SPRR2G: variants seen among roughly 807,000 people sequenced by gnomAD.
SPRR2G encodes the protein small proline rich protein 2G, also known as small proline-rich protein 2G.
In SPRR2G, 1 loss-of-function variant was observed where a neutral mutation model predicts 0.7. The observed-to-expected ratio is 1.49, with a 90% CI of 0.53 to 7.06. The LOEUF is 7.06. Among genes scored for constraint, SPRR2G ranks in the 30% most tolerant of loss-of-function variants. The probability of loss-of-function intolerance (pLI) is 0.14; values close to 1 mark genes in which losing one functional copy is unlikely to be tolerated. For synonymous variants in SPRR2G, 38 were observed against 33.9 expected, an observed-to-expected ratio of 1.12 and a Z score of -0.42; for missense variants, 96 against 88.5, an observed-to-expected ratio of 1.09 and a Z score of -0.34.
At chr1:153,185,501 C>T in the SPRR2G span, among the ~76,000 whole-genome samples, 12 of 151,908 alleles carry the variant, frequency 7.9e-5, no homozygotes, top group Non-Finnish European at 7.4e-5. Flanking sequence ...AGTTTATTTG[C>T]GTAGAGGTGT....
chr1:153,167,210 C>T, the SPRR2G span, among the ~76,000 whole-genome samples: 1 of 152,214 alleles, frequency 6.6e-6, no homozygotes, highest in East Asian at 1.9e-4. Flanking sequence ...CGTGGTGGCT[C>T]ATGCCTGTAA....
At chr1:153,183,063 T>A in the SPRR2G span, among the ~76,000 whole-genome samples, 2 of 151,222 alleles carry the variant, frequency 1.3e-5, no homozygotes, top group Non-Finnish European at 2.9e-5. Flanking sequence ...CCTGACTTTT[T>A]TTTTCTTTTT....
the SPRR2G span, among the ~76,000 whole-genome samples, chr1:153,159,112 T>C: frequency 6.6e-6 from 1 of 152,236 alleles, no homozygotes; most frequent in African/African-American, 2.4e-5. Flanking sequence ...TAACATTCCT[T>C]TCCTGCTTAC....
upstream of SPRR2G, among the ~76,000 whole-genome samples, chr1:153,153,455 G>C (rs12026518): frequency 7.8e-4 from 118 of 151,990 alleles, no homozygotes; most frequent in Non-Finnish European, 1.5e-3. Context: ...CTTCTCTGAC[G>C]GACATTTTTG....
Position 153,150,014 on chromosome 1 carries a change from G to A in SPRR2G, c.97C>T (p.Pro33Ser), listed in dbSNP as rs1009239383. 3 of 1,613,820 alleles carry A rather than the reference G, an allele frequency of 1.9e-6. No individual in the cohort carries two copies. Among genetic ancestry groups the A allele is most frequent in the East Asian group, 4.5e-5 (2 of 44,884 alleles). The part of the protein sequence containing the change: ...CPEPCPPPKC[P>S]EPYLPPPCPP... ...CAAGGAGGAGGCAGGTAAGGCTCAG[G>A]GCACTTCGGGGGTGGACATGGCTCT... The change falls in exon 2 of 2, where the codon CCT becomes TCT. Residue 33 changes from proline to serine, a missense_variant. Pro to Ser is a moderately conservative substitution (Grantham distance 74, BLOSUM62 -1). Transcript: ENST00000368748.
chr1:153,171,607 G>T, the SPRR2G span, among the ~76,000 whole-genome samples: 4 of 152,064 alleles, frequency 2.6e-5, no homozygotes, highest in Non-Finnish European at 5.9e-5. Flanking sequence ...TTTTCCACTG[G>T]CTAGGGCTTG....
Position 153,149,619 on chromosome 1 carries a change from A to T in SPRR2G, c.*270T>A. On this transcript the variant is annotated 3_prime_UTR_variant, in exon 2 of 2. Coordinates refer to ENST00000368748, the MANE Select transcript of SPRR2G (RefSeq NM_001014291.4). ...TGAAACATGTGCTTTATTGGGGAGA[A>T]GCAAAAGAATAAACACACTTGCTCT... 1.9e-6 allele frequency: 1 copy of T among 531,162 alleles called. No individual in the cohort carries two copies. Among genetic ancestry groups the T allele is most frequent in the South Asian group, 2.2e-5 (1 of 46,234 alleles). The allele number at this position is 531,162 out of a possible 1,614,324, so 32.9% of individuals were successfully genotyped here.
the SPRR2G span, among the ~76,000 whole-genome samples, chr1:153,169,597 T>A: frequency 2.0e-5 from 3 of 150,738 alleles, no homozygotes; most frequent in Non-Finnish European, 4.4e-5. Context: ...CACAAAGTGG[T>A]TCTGGCCAGT....
chr1:153,163,737 G>A, the SPRR2G span, among the ~76,000 whole-genome samples: 1 of 152,100 alleles, frequency 6.6e-6, no homozygotes, highest in South Asian at 2.1e-4. Context: ...TTCTGTGCAC[G>A]GCATCTGTGT....
the SPRR2G span, among the ~76,000 whole-genome samples, chr1:153,166,102 G>C: frequency 2.6e-5 from 4 of 152,164 alleles, no homozygotes; most frequent in Admixed American, 2.6e-4. Flanking sequence ...TGCCTCACAT[G>C]ACACAATTCC....
At chr1:153,186,644 C>CT in the SPRR2G span, among the ~76,000 whole-genome samples, 1 of 152,066 alleles carries the variant, frequency 6.6e-6, no homozygotes, top group Admixed American at 6.6e-5. Context: ...GGTCTTGACT[C>CT]TTTATCCACT....
the SPRR2G span, among the ~76,000 whole-genome samples, chr1:153,166,793 G>A: frequency 2.0e-5 from 3 of 152,164 alleles, no homozygotes; most frequent in Admixed American, 6.5e-5. Flanking sequence ...ACTCTCTTGG[G>A]ACAACTGATA....
At chr1:153,201,045 T>G in the SPRR2G span, among the ~76,000 whole-genome samples, 1 of 152,166 alleles carries the variant, frequency 6.6e-6, no homozygotes, top group Non-Finnish European at 1.5e-5. Flanking sequence ...TTCAGGGTCC[T>G]CTTCTAACCC....
chr1:153,163,907 A>G, the SPRR2G span, among the ~76,000 whole-genome samples: 3 of 152,134 alleles, frequency 2.0e-5, no homozygotes, highest in Non-Finnish European at 4.4e-5. Context: ...CTCTATATCA[A>G]CATCACCTAT....
chr1:153,186,310 G>A, the SPRR2G span, among the ~76,000 whole-genome samples: 1 of 152,142 alleles, frequency 6.6e-6, no homozygotes, highest in African/African-American at 2.4e-5. Flanking sequence ...TACTGATAGT[G>A]GGGTGTTAAA....
At chr1:153,168,865 C>G in the SPRR2G span, among the ~76,000 whole-genome samples, 1 of 150,284 alleles carries the variant, frequency 6.7e-6, no homozygotes, top group Admixed American at 6.6e-5. Context: ...ATCTGGATGC[C>G]AATCCCAACT....
chr1:153,160,847 T>A, the SPRR2G span, among the ~76,000 whole-genome samples: 1 of 151,026 alleles, frequency 6.6e-6, no homozygotes, highest in South Asian at 2.1e-4. Flanking sequence ...AACCCAAATG[T>A]CCAACAATGA....
the SPRR2G span, among the ~76,000 whole-genome samples, chr1:153,159,075 G>A: frequency 6.6e-6 from 1 of 152,170 alleles, no homozygotes; most frequent in Admixed American, 6.5e-5. Flanking sequence ...AAATACTCTG[G>A]AGACATTTAC....
the SPRR2G span, among the ~76,000 whole-genome samples, chr1:153,162,118 A>G: frequency 6.6e-6 from 1 of 152,116 alleles, no homozygotes; most frequent in Non-Finnish European, 1.5e-5. Flanking sequence ...TATTAAGCCT[A>G]GTACCCATTA....
Sources: gnomAD v4.1 joint callset for allele counts (sites outside exome capture counted in the v4.1 genomes callset) on GRCh38, gnomAD v4.1.1 for gene constraint, MANE v1.5 for transcripts, NCBI Gene and HGNC (gene_info 2026-07-23, HGNC 2026-07-21) for gene names.